The following CTNNA2 variants were observed in gnomAD, a reference collection of about 807,000 sequenced individuals.
CTNNA2 encodes catenin alpha 2.
A neutral mutation model predicts 101.0 loss-of-function variants in CTNNA2; 42 were observed. The ratio of observed to expected loss-of-function variants is 0.42; its 90% CI spans 0.32 to 0.54. CTNNA2 has a LOEUF of 0.54. Among genes scored for constraint, CTNNA2 ranks in the 20% least tolerant of loss-of-function variants. The pLI, the probability that CTNNA2 is intolerant of heterozygous loss-of-function variation, is 0.14. For synonymous variants in CTNNA2, 450 were observed against 456.4 expected (o/e 0.99, Z 0.18); for missense variants, 871 against 1,223.1 (o/e 0.71, Z 4.29).
intron 7 of CTNNA2, among the ~76,000 whole-genome samples, chr2:80,215,144 A>G (rs188945217): frequency 6.6e-6 from 1 of 152,180 alleles, no homozygotes; most frequent in East Asian, 1.9e-4. Context: ...TGTTTATTCT[A>G]GTTAGCCATT....
At chr2:79,298,497 G>A (rs879453110) in intron 2 of CTNNA2, among the ~76,000 whole-genome samples, 3 of 152,214 alleles carry the variant, frequency 2.0e-5, no homozygotes, top group Non-Finnish European at 2.9e-5. Context: ...AAAAATCTGG[G>A]TTATTTGATG....
intron 3 of CTNNA2, among the ~76,000 whole-genome samples, chr2:79,779,359 G>A (rs1451061848): frequency 6.6e-6 from 1 of 152,042 alleles, no homozygotes; most frequent in African/African-American, 2.4e-5. Flanking sequence ...GTGGGGGTGA[G>A]AGCAGGCCTG....
intron 7 of CTNNA2, among the ~76,000 whole-genome samples, chr2:80,064,584 T>TA (rs1298544298): frequency 1.3e-5 from 2 of 152,232 alleles, no homozygotes; most frequent in Non-Finnish European, 2.9e-5. Flanking sequence ...GCTGGATGGT[T>TA]AAAGTTGGCC....
intron 7 of CTNNA2, among the ~76,000 whole-genome samples, chr2:80,319,497 G>T (rs1406178848): frequency 1.3e-5 from 2 of 152,186 alleles, no homozygotes; most frequent in Non-Finnish European, 2.9e-5. Context: ...ATCTTTCTGA[G>T]ATCCAAGTAT....
intron 4 of CTNNA2, among the ~76,000 whole-genome samples, chr2:79,391,483 C>T (rs191888836): frequency 1.1e-4 from 17 of 152,210 alleles, no homozygotes; most frequent in South Asian, 6.2e-4. Context: ...TAATGGACTG[C>T]TTATGTTATC....
intron 3 of CTNNA2, among the ~76,000 whole-genome samples, chr2:79,806,179 G>T (rs955262558): frequency 1.3e-5 from 2 of 151,600 alleles, no homozygotes; most frequent in African/African-American, 4.9e-5. Context: ...GGCACAAAAT[G>T]GGGACTAAGG....
intron 1 of CTNNA2, among the ~76,000 whole-genome samples, chr2:79,644,649 T>A (rs1351848513): frequency 6.6e-6 from 1 of 152,132 alleles, no homozygotes; most frequent in Non-Finnish European, 1.5e-5. Flanking sequence ...AATGGCAACT[T>A]GGGGAAACTG....
intron 12 of CTNNA2, among the ~76,000 whole-genome samples, chr2:80,557,923 CTGAGT>C (rs1693187157): frequency 6.6e-6 from 1 of 152,058 alleles, no homozygotes; most frequent in South Asian, 2.1e-4. Context: ...CTTACTTGTT[CTGAGT>C]TTTTACAATT....
At position 79,349,998 on chromosome 2, in the gene CTNNA2, C is replaced by T. The variant is rs558445753; in HGVS notation, c.-317-23833C>T. ...CTGAGGCAGGAGAATGGTGTGAACC[C>T]GGGAGGCAGAGCTTGCAGTGAGACG... On this transcript the variant is annotated intron_variant, in intron 3 of 21. Transcript: ENST00000466387. Among the ~76,000 whole-genome samples the T allele has an allele frequency of 1.4e-4, 21 of 147,208 alleles. No individual in the cohort carries two copies. In the East Asian group the frequency reaches 2.6e-3, roughly 18 times the overall value.
At chr2:80,214,962 A>C (rs897061911) in intron 7 of CTNNA2, among the ~76,000 whole-genome samples, 13 of 151,412 alleles carry the variant, frequency 8.6e-5, no homozygotes, top group African/African-American at 3.2e-4. Context: ...CGTTTCTTTT[A>C]CTCTTTTTTC....
At chr2:80,060,696 C>G (rs1320048562) in intron 7 of CTNNA2, among the ~76,000 whole-genome samples, 3 of 151,986 alleles carry the variant, frequency 2.0e-5, no homozygotes, top group South Asian at 2.1e-4. Context: ...TCTTTCCTTC[C>G]TTTTCATCCT....
intron 7 of CTNNA2, among the ~76,000 whole-genome samples, chr2:80,294,830 C>T (rs1294082829): frequency 1.3e-5 from 2 of 151,952 alleles, no homozygotes; most frequent in African/African-American, 4.8e-5. Context: ...AGCTAGAGAA[C>T]GAATTCCTTC....
intron 4 of CTNNA2, among the ~76,000 whole-genome samples, chr2:79,387,044 T>C (rs544476208): frequency 2.6e-5 from 4 of 152,230 alleles, no homozygotes; most frequent in East Asian, 1.9e-4. Context: ...GCCACCCTTA[T>C]AAGTTGTCTC....
intron 3 of CTNNA2, among the ~76,000 whole-genome samples, chr2:79,350,990 T>A (rs1677374504): frequency 6.6e-6 from 1 of 152,230 alleles, no homozygotes; most frequent in African/African-American, 2.4e-5. Flanking sequence ...TTTTTGTTTG[T>A]TTGTTTTCTT....
intron 2 of CTNNA2, among the ~76,000 whole-genome samples, chr2:79,713,881 T>C (rs1685901949): frequency 6.6e-6 from 1 of 152,226 alleles, no homozygotes; most frequent in African/African-American, 2.4e-5. Context: ...CCCAAGAATT[T>C]AAATTCTACC....
intron 7 of CTNNA2, among the ~76,000 whole-genome samples, chr2:80,368,174 C>T (rs1310653376): frequency 6.6e-6 from 1 of 152,096 alleles, no homozygotes; most frequent in Non-Finnish European, 1.5e-5. Context: ...CTCTGAATTT[C>T]TCCCCTCTCC....
chr2:80,576,786 T>TAAAAAAAAAA (rs1558606620), intron 13 of CTNNA2, among the ~76,000 whole-genome samples: 4 of 112,096 alleles, frequency 3.6e-5, no homozygotes, highest in African/African-American at 6.7e-5. Flanking sequence ...CTGTCTCTAC[T>TAAAAAAAAAA]GAAAAAAAAA....
At chr2:79,506,101 A>AT (rs1181606585) in intron 5 of CTNNA2, among the ~76,000 whole-genome samples, 5 of 152,182 alleles carry the variant, frequency 3.3e-5, no homozygotes, top group Non-Finnish European at 7.3e-5. Flanking sequence ...TGGCATTTAT[A>AT]TTTTTTAATC....
chr2:80,144,019 G>C (rs1040440551), intron 7 of CTNNA2, among the ~76,000 whole-genome samples: 1 of 152,152 alleles, frequency 6.6e-6, no homozygotes. Context: ...ATGAGACTAA[G>C]TCCAAAAGGC....
Sources: allele counts gnomAD v4.1 joint callset (sites outside exome capture counted in the v4.1 genomes callset), GRCh38; gene constraint gnomAD v4.1.1; transcripts MANE v1.5; gene names NCBI Gene and HGNC (gene_info 2026-07-23, HGNC 2026-07-21).